Variants in DMD observed in about 807,000 individuals in gnomAD.
DMD encodes dystrophin, also known as mutant dystrophin.
A neutral mutation model predicts 330.1 loss-of-function variants in DMD; 63 were observed. The ratio of observed to expected loss-of-function variants is 0.19; its 90% confidence interval spans 0.16 to 0.24. The LOEUF is 0.24. Among genes scored for constraint, DMD ranks in the 10% least tolerant of loss-of-function variants. The pLI is 1.00. For synonymous variants in DMD, 1,223 were observed against 959.8 expected (o/e 1.27, Z -5.07); for missense variants, 3,344 against 2,684.1 (o/e 1.25, Z -5.43).
Position 31,981,148 on chromosome X carries a change from A to C in DMD, c.6439-12634T>G, listed in dbSNP as rs778535382. ...TTATACAATTCACCCTTTTATCCCC[A>C]CACACAATGATCAATTTAGACAATC... On this transcript the variant is annotated intron_variant, in intron 44 of 78. Coordinates refer to ENST00000357033, the MANE Select transcript of DMD (RefSeq NM_004006.3). Among the ~76,000 whole-genome samples, 10 of 111,895 alleles carry C rather than the reference A, an allele frequency of 8.9e-5. No individual in the cohort carries two copies. The South Asian group carries it at 3.7e-3, about 42-fold the overall frequency.
chrX:33,281,888 C>T (rs759799553), intron 1 of DMD, among the ~76,000 whole-genome samples: 23 of 107,700 alleles, frequency 2.1e-4, no homozygotes, highest in African/African-American at 7.8e-4. Flanking sequence ...AGAAGGAGTT[C>T]CCCAGACTAG....
At chrX:32,559,754 G>A (rs1010117478) in intron 16 of DMD, among the ~76,000 whole-genome samples, 2 of 111,786 alleles carry the variant, frequency 1.8e-5, no homozygotes, top group Non-Finnish European at 3.8e-5. Flanking sequence ...AAAAGCACTG[G>A]CTTATCATTT....
At position 32,127,656 on chromosome X, in the gene DMD, A is replaced by C. The variant is rs190325432; in HGVS notation, c.6438+89260T>G. The stretch of plus-strand genomic sequence containing the variant: ...ATCTGTTTTTACCTCTTTAATATCC[A>C]GCTGTGTTTATCTCTGACAATATAT... On this transcript the variant is annotated intron_variant, in intron 44 of 78. Coordinates refer to ENST00000357033, the MANE Select transcript of DMD (RefSeq NM_004006.3). Among the ~76,000 whole-genome samples, 334 of 111,959 alleles carry C rather than the reference A, an allele frequency of 3.0e-3. 2 individuals carry two copies. The highest frequency in any genetic ancestry group is 0.012 in the East Asian group (41 of 3,554).
At chrX:32,101,232 C>G (rs1174351666) in intron 44 of DMD, among the ~76,000 whole-genome samples, 6 of 111,813 alleles carry the variant, frequency 5.4e-5, no homozygotes, top group East Asian at 2.8e-4. Flanking sequence ...TATGGAGAAG[C>G]AGTGGTGGTT....
At chrX:33,280,734 A>G (rs1280622635) in intron 1 of DMD, among the ~76,000 whole-genome samples, 1 of 111,965 alleles carries the variant, frequency 8.9e-6, no homozygotes, top group Non-Finnish European at 1.9e-5. Flanking sequence ...AAAAATAAAT[A>G]AATTGGGCAT....
At chrX:33,123,457 C>T (rs138059348) in intron 1 of DMD, among the ~76,000 whole-genome samples, 3,254 of 110,935 alleles carry the variant, frequency 0.029, 130 homozygotes, top group African/African-American at 0.1. Flanking sequence ...ACCTCTGTCG[C>T]CCAGGCTGGA....
At chrX:32,901,764 A>G (rs2086265124) in intron 2 of DMD, among the ~76,000 whole-genome samples, 1 of 110,800 alleles carries the variant, frequency 9.0e-6, no homozygotes, top group Non-Finnish European at 1.9e-5. Context: ...AGAAAAATAA[A>G]CAGAGTTTAG....
intron 44 of DMD, among the ~76,000 whole-genome samples, chrX:32,049,542 G>T (rs2147496880): frequency 9.0e-6 from 1 of 111,322 alleles, no homozygotes; most frequent in African/African-American, 3.3e-5. Flanking sequence ...TCCCTTCAGA[G>T]TCTCCATTTT....
At chrX:32,059,855 A>T (rs1193593204) in intron 44 of DMD, among the ~76,000 whole-genome samples, 2 of 111,678 alleles carry the variant, frequency 1.8e-5, no homozygotes, top group African/African-American at 6.5e-5. Flanking sequence ...AATTTTACAA[A>T]ACAGATTTTT....
intron 7 of DMD, among the ~76,000 whole-genome samples, chrX:32,755,316 G>GAA (rs200263419): frequency 4.5e-4 from 49 of 108,120 alleles, no homozygotes; most frequent in African/African-American, 1.5e-3. Flanking sequence ...TTCAGACAAG[G>GAA]AAAAAAAACA....
chrX:32,494,029 T>C (rs1160166376), intron 19 of DMD, among the ~76,000 whole-genome samples: 1 of 111,891 alleles, frequency 8.9e-6, no homozygotes, highest in African/African-American at 3.2e-5. Context: ...AGGTCAACCA[T>C]ACAAATCGTA....
chrX:33,204,926 A>G (rs1392964559), intron 1 of DMD, among the ~76,000 whole-genome samples: 1 of 112,627 alleles, frequency 8.9e-6, no homozygotes. Flanking sequence ...GGCTTGAGCA[A>G]AGTGAACCTC....
chrX:32,332,426 G>GTGTGTGTA (rs2097685271), intron 41 of DMD, among the ~76,000 whole-genome samples: 2 of 109,235 alleles, frequency 1.8e-5, no homozygotes, highest in Non-Finnish European at 3.8e-5. Flanking sequence ...GTGTGTGTGT[G>GTGTGTGTA]TGTGTGTGTG....
At chrX:32,093,827 A>G (rs1569542078) in intron 44 of DMD, among the ~76,000 whole-genome samples, 1 of 111,087 alleles carries the variant, frequency 9.0e-6, no homozygotes, top group Non-Finnish European at 1.9e-5. Flanking sequence ...AAAATAACAA[A>G]TTTTTTATGA....
At chrX:32,917,163 C>T (rs747028188) in intron 2 of DMD, among the ~76,000 whole-genome samples, 1 of 101,724 alleles carries the variant, frequency 9.8e-6, no homozygotes, top group Non-Finnish European at 2.0e-5. Context: ...GGCACTTCCC[C>T]CCCCCCCACA....
At chrX:31,526,302 A>C in intron 55 of DMD, among the ~76,000 whole-genome samples, 1 of 112,221 alleles carries the variant, frequency 8.9e-6, no homozygotes, top group African/African-American at 3.2e-5. Flanking sequence ...ATAGTGAATT[A>C]ACACAGTGCA....
intron 1 of DMD, among the ~76,000 whole-genome samples, chrX:33,295,322 C>T (rs1237521514): frequency 9.0e-6 from 1 of 110,594 alleles, no homozygotes; most frequent in Non-Finnish European, 1.9e-5. Flanking sequence ...CACTCAGCAA[C>T]ATCATGTTGA....
chrX:32,335,545 T>C (rs149700142), intron 41 of DMD, among the ~76,000 whole-genome samples: 1,796 of 103,120 alleles, frequency 0.017, 47 homozygotes, highest in African/African-American at 0.058. Context: ...ATGTTATATA[T>C]AACGTGTATA....
chrX:32,409,146 T>G (rs1863070997), intron 30 of DMD, among the ~76,000 whole-genome samples: 1 of 111,711 alleles, frequency 9.0e-6, no homozygotes, highest in Admixed American at 9.6e-5. Context: ...AACAATTCAC[T>G]TACTGCCATA....
Sources: allele counts gnomAD v4.1 joint callset (sites outside exome capture counted in the v4.1 genomes callset), GRCh38; gene constraint gnomAD v4.1.1; transcripts MANE v1.5; gene names NCBI Gene and HGNC (gene_info 2026-07-23, HGNC 2026-07-21).